FOXP2: variants seen among roughly 807,000 people sequenced by gnomAD.
The protein encoded by FOXP2 is forkhead box P2.
Under a neutral mutation model 115.8 loss-of-function variants are expected in FOXP2, and 12 were observed. The ratio of observed to expected loss-of-function variants is 0.10; its 90% CI spans 0.07 to 0.17. The LOEUF (loss-of-function observed/expected upper bound fraction) is 0.17. FOXP2 is among the 10% of genes least tolerant of loss of function. The pLI, the probability that FOXP2 is intolerant of heterozygous loss-of-function variation, is 1.00. For missense variants in FOXP2, 629 were observed against 843.5 expected, an observed-to-expected ratio of 0.75 and a Z score of 3.15; for synonymous variants, 328 against 297.7, an observed-to-expected ratio of 1.10 and a Z score of -1.05.
intron 1 of FOXP2, among the ~76,000 whole-genome samples, chr7:114,149,490 A>G (rs1243591896): frequency 2.0e-5 from 3 of 152,098 alleles, no homozygotes; most frequent in Non-Finnish European, 4.4e-5. Context: ...TTCTTTACAA[A>G]AAGTGCCTTC....
At chr7:114,466,979 G>T (rs1187975534) in intron 2 of FOXP2, among the ~76,000 whole-genome samples, 1 of 152,178 alleles carries the variant, frequency 6.6e-6, no homozygotes, top group East Asian at 1.9e-4. Flanking sequence ...AATGTTCAAA[G>T]CATAGAAAGT....
chr7:114,646,609 T>C (rs1805913581), intron 8 of FOXP2, among the ~76,000 whole-genome samples: 1 of 152,052 alleles, frequency 6.6e-6, no homozygotes, highest in Non-Finnish European at 1.5e-5. Flanking sequence ...CAGGAGGTTT[T>C]AAAGCCTTTT....
At chr7:114,452,678 T>C (rs528381460) in intron 2 of FOXP2, among the ~76,000 whole-genome samples, 1 of 152,088 alleles carries the variant, frequency 6.6e-6, no homozygotes, top group South Asian at 2.1e-4. Context: ...TTTTGAAAAG[T>C]ATAGTTGATA....
intron 3 of FOXP2, among the ~76,000 whole-genome samples, chr7:114,609,853 T>G (rs569702719): frequency 1.4e-4 from 22 of 152,332 alleles, no homozygotes; most frequent in African/African-American, 3.8e-4. Flanking sequence ...ATAGCTTGAT[T>G]TACCTTCTAT....
At chr7:114,651,917 G>T (rs2129337646) in intron 8 of FOXP2, among the ~76,000 whole-genome samples, 1 of 152,184 alleles carries the variant, frequency 6.6e-6, no homozygotes, top group Non-Finnish European at 1.5e-5. Context: ...TAAATAATAT[G>T]ACTTCTACTA....
intron 1 of FOXP2, among the ~76,000 whole-genome samples, chr7:114,180,669 G>T (rs1051823754): frequency 2.0e-5 from 3 of 151,904 alleles, no homozygotes; most frequent in African/African-American, 7.2e-5. Context: ...TATACACTCA[G>T]TTGCCTGTGT....
At chr7:114,568,770 T>A (rs183915227) in intron 3 of FOXP2, among the ~76,000 whole-genome samples, 3 of 152,048 alleles carry the variant, frequency 2.0e-5, no homozygotes, top group Admixed American at 2.0e-4. Flanking sequence ...ATTAACTGTA[T>A]GCTTTTATTC....
chr7:114,208,983 G>T (rs1448814709), intron 1 of FOXP2, among the ~76,000 whole-genome samples: 2 of 151,834 alleles, frequency 1.3e-5, no homozygotes, highest in Admixed American at 1.3e-4. Flanking sequence ...TGTGAGTAGA[G>T]GAAATTTGGG....
intron 1 of FOXP2, among the ~76,000 whole-genome samples, chr7:114,228,135 A>G (rs1261949213): frequency 6.6e-6 from 1 of 152,040 alleles, no homozygotes; most frequent in Non-Finnish European, 1.5e-5. Flanking sequence ...GTACAATACT[A>G]TGTGGTCATC....
intron 6 of FOXP2, among the ~76,000 whole-genome samples, chr7:114,636,303 T>C (rs899883481): frequency 6.6e-6 from 1 of 152,286 alleles, no homozygotes; most frequent in Admixed American, 6.5e-5. Context: ...CATGTATGTA[T>C]ACCAGTTTTT....
chr7:114,218,146 T>C (rs530301357), intron 1 of FOXP2, among the ~76,000 whole-genome samples: 5 of 152,260 alleles, frequency 3.3e-5, no homozygotes, highest in African/African-American at 2.4e-5. Context: ...TCATAAACAT[T>C]GGCTGAAATG....
intron 2 of FOXP2, among the ~76,000 whole-genome samples, chr7:114,512,689 T>G (rs1309908844): frequency 6.6e-6 from 1 of 152,212 alleles, no homozygotes; most frequent in Non-Finnish European, 1.5e-5. Context: ...TCTCAATTTT[T>G]TAAGCCATAA....
chr7:114,642,780 A>T (rs563875070), intron 7 of FOXP2, among the ~76,000 whole-genome samples, 157 bp downstream of exon 7: 7 of 83,192 alleles, frequency 8.4e-5, no homozygotes, highest in East Asian at 2.8e-3. Flanking sequence ...TTTATATATA[A>T]TATATATATA....
At chr7:114,355,790 A>G (rs547034841) in intron 2 of FOXP2, among the ~76,000 whole-genome samples, 64 of 152,274 alleles carry the variant, frequency 4.2e-4, no homozygotes, top group Middle Eastern at 3.4e-3. Context: ...TCCTGTGCCC[A>G]TGGAAAAGGT....
At chr7:114,477,381 G>C (rs1796322682) in intron 2 of FOXP2, among the ~76,000 whole-genome samples, 1 of 151,886 alleles carries the variant, frequency 6.6e-6, no homozygotes, top group Non-Finnish European at 1.5e-5. Flanking sequence ...AGAGGCCATA[G>C]TCCTAAGCAA....
intron 1 of FOXP2, chr7:114,088,079 A>C (rs550502436): frequency 6.6e-6 from 1 of 152,308 alleles, no homozygotes; most frequent in South Asian, 2.1e-4. Flanking sequence ...GATTTAAACC[A>C]CTTAATAGCT....
chr7:114,247,857 G>T lies in FOXP2; in HGVS notation c.-101-40162G>T, dbSNP rs577247956. Among the ~76,000 whole-genome samples the T allele has an allele frequency of 2.6e-5, 4 of 152,038 alleles. No individual in the cohort carries two copies. In the South Asian group the frequency reaches 8.3e-4, roughly 32 times the overall value. On this transcript the variant is annotated intron_variant, in intron 1 of 17. Transcript: ENST00000634411. ...AGAAGTACCTGGGTATATTAGTCGG[G>T]GTTCTCCAGAGAAACAGAACCAATA...
intron 2 of FOXP2, among the ~76,000 whole-genome samples, chr7:114,484,925 T>C (rs1796710120): frequency 6.6e-6 from 1 of 151,942 alleles, no homozygotes; most frequent in South Asian, 2.1e-4. Context: ...GGTTGGAACA[T>C]TATCAATGTT....
intron 2 of FOXP2, among the ~76,000 whole-genome samples, chr7:114,389,446 C>A (rs1464143292): frequency 6.6e-6 from 1 of 152,158 alleles, no homozygotes; most frequent in East Asian, 1.9e-4. Flanking sequence ...AATCAATAGA[C>A]AAATTTTAAG....
Sources: allele counts gnomAD v4.1 joint callset (sites outside exome capture counted in the v4.1 genomes callset), GRCh38; gene constraint gnomAD v4.1.1; transcripts MANE v1.5; gene names NCBI Gene and HGNC (gene_info 2026-07-23, HGNC 2026-07-21).